Variants in PPFIBP2 observed in about 807,000 individuals in gnomAD.
The protein encoded by PPFIBP2 is PPFIB scaffold protein 2, also known as liprin-beta-2.
Under a neutral mutation model 118.3 loss-of-function variants are expected in PPFIBP2, and 118 were observed. The observed-to-expected ratio is 1.00, with a 90% CI of 0.86 to 1.16. The LOEUF (loss-of-function observed/expected upper bound fraction) is 1.16, where lower values mean the gene tolerates loss of function less well. PPFIBP2 is among the 50% of genes most tolerant of loss of function. The probability of loss-of-function intolerance (pLI) is 0.00; values close to 1 mark genes in which losing one functional copy is unlikely to be tolerated. For missense variants in PPFIBP2, 1,195 were observed against 1,073.1 expected (o/e 1.11, Z -1.59); for synonymous variants, 414 against 397.4 (o/e 1.04, Z -0.50).
chr11:7,564,472 A>C (rs1854719488), intron 2 of PPFIBP2, among the ~76,000 whole-genome samples: 1 of 152,254 alleles, frequency 6.6e-6, no homozygotes, highest in Admixed American at 6.5e-5. Context: ...TATAGGGGAT[A>C]TAAAGATCTT....
chr11:7,526,016 G>A (rs1050137218), intron 1 of PPFIBP2, among the ~76,000 whole-genome samples: 28 of 152,174 alleles, frequency 1.8e-4, no homozygotes, highest in African/African-American at 6.3e-4. Context: ...AACTAAAGAC[G>A]GAGCAGATTC....
intron 21 of PPFIBP2, among the ~76,000 whole-genome samples, chr11:7,650,479 C>G (rs1361079691): frequency 6.6e-6 from 1 of 152,204 alleles, no homozygotes; most frequent in Non-Finnish European, 1.5e-5. Context: ...GGAGATCTTT[C>G]ATCTATAAAC....
chr11:7,552,337 G>A (rs1277253544), intron 2 of PPFIBP2, among the ~76,000 whole-genome samples: 1 of 152,228 alleles, frequency 6.6e-6, no homozygotes, highest in Non-Finnish European at 1.5e-5. Flanking sequence ...ATAGATTAAT[G>A]AGGGACTAAA....
chr11:7,634,436 A>G (rs909171461), intron 12 of PPFIBP2, 59 bp from the exon 13 acceptor site: 8 of 1,332,086 alleles, frequency 6.0e-6, no homozygotes, highest in East Asian at 4.6e-5. Flanking sequence ...TGTCCTCTGC[A>G]TGAGTGATAA....
rs537897319 is a variant in PPFIBP2, at chr11:7,626,063, G to T, written c.826+172G>T. Among the ~76,000 whole-genome samples, 72 of 152,332 alleles carry T rather than the reference G, an allele frequency of 4.7e-4. 1 individual carries two copies. The highest frequency in any genetic ancestry group is 1.5e-3 in the African/African-American group (63 of 41,580). On this transcript the variant is annotated intron_variant, in intron 8 of 23. Coordinates refer to ENST00000299492, the MANE Select transcript of PPFIBP2 (RefSeq NM_003621.5). Reference sequence around the variant, plus strand: ...GCCAAGTGAATGGATGCACCAGTTTGTGTGTTTGTGTGTGTCCCTATAATG... The same window carrying T: ...GCCAAGTGAATGGATGCACCAGTTTTTGTGTTTGTGTGTGTCCCTATAATG...
At chr11:7,634,019 G>T (rs1299293635) in intron 12 of PPFIBP2, among the ~76,000 whole-genome samples, 2 of 152,128 alleles carry the variant, frequency 1.3e-5, no homozygotes, top group African/African-American at 4.8e-5. Context: ...CCAGAGCAGA[G>T]TGTGGCAGGG....
At chr11:7,631,151 ATAT>A in intron 11 of PPFIBP2, 123 bp downstream of exon 11, 5 of 742,082 alleles carry the variant, frequency 6.7e-6, no homozygotes, top group Non-Finnish European at 1.2e-5. Flanking sequence ...ACTTAAATTA[ATAT>A]AGTGCCCCTC....
chr11:7,625,681 C>G (rs1849901413), intron 7 of PPFIBP2, 96 bp from the exon 8 acceptor site: 5 of 933,980 alleles, frequency 5.4e-6, no homozygotes, highest in Middle Eastern at 2.8e-4. Flanking sequence ...CCTGATGCAC[C>G]CTGGTGCCTG....
In PPFIBP2 at chr11:7,598,689, T is replaced by C. The variant is rs189860926; in HGVS notation, c.486+1016T>C. On this transcript the variant is annotated intron_variant, in intron 5 of 23. Transcript: ENST00000299492. The stretch of plus-strand genomic sequence containing the variant: ...ACAAAAGTTTGTTCCTTAAAATGAG[T>C]GGATTCAATTAGAGGACTACTTATA... Among the ~76,000 whole-genome samples the C allele has an allele frequency of 1.8e-3, 272 of 152,248 alleles. 2 individuals carry two copies. The highest frequency in any genetic ancestry group is 2.7e-3 in the Non-Finnish European group (184 of 68,012).
Position 7,632,922 on chromosome 11 carries a change from C to T in PPFIBP2, c.1124C>T (p.Ser375Leu), listed in dbSNP as rs148124319. 2.2e-4 allele frequency: 360 copies of T among 1,613,610 alleles called. No individual in the cohort carries two copies. The highest frequency in any genetic ancestry group is 3.0e-4 in the Non-Finnish European group (355 of 1,179,692). The change falls in exon 12 of 24, where the codon TCA (serine) becomes TTA (leucine). Residue 375 changes from serine (S) to leucine (L), a missense_variant. By Grantham distance (145) the Ser-to-Leu change is moderately radical. Transcript: ENST00000299492. The stretch of plus-strand genomic sequence containing the variant: ...GGGCCACCTCCATTGCCACAGAAAT[C>T]ACTGGAAACCAGGTAAGAGGCCTGG... ...TVGPPPLPQKSLETRAQKKLS... is the reference protein window; with the variant it reads ...TVGPPPLPQKLLETRAQKKLS...
intron 6 of PPFIBP2, among the ~76,000 whole-genome samples, chr11:7,613,121 C>T (rs1848260117): frequency 6.6e-6 from 1 of 152,046 alleles, no homozygotes; most frequent in African/African-American, 2.4e-5. Flanking sequence ...TGTGAGATAG[C>T]CAGATCTGAA....
At chr11:7,595,313 A>G (rs1860090345) in intron 4 of PPFIBP2, among the ~76,000 whole-genome samples, 1 of 152,236 alleles carries the variant, frequency 6.6e-6, no homozygotes, top group African/African-American at 2.4e-5. Flanking sequence ...CTCTTATCCC[A>G]ATGACATGAT....
At chr11:7,559,135 C>G (rs1854002489) in intron 2 of PPFIBP2, among the ~76,000 whole-genome samples, 1 of 152,160 alleles carries the variant, frequency 6.6e-6, no homozygotes, top group South Asian at 2.1e-4. Flanking sequence ...TGCTTTGTTG[C>G]TCAAAATGAA....
At chr11:7,657,323 G>A (rs1450533704), downstream of PPFIBP2, among the ~76,000 whole-genome samples, 3 of 152,166 alleles carry the variant, frequency 2.0e-5, no homozygotes, top group Non-Finnish European at 4.4e-5. Flanking sequence ...AGGTGTTTAG[G>A]GTATGAGCGG....
intron 2 of PPFIBP2, among the ~76,000 whole-genome samples, chr11:7,555,896 C>T (rs1333957736): frequency 6.6e-6 from 1 of 152,166 alleles, no homozygotes; most frequent in East Asian, 1.9e-4. Context: ...GTGTGGGCCT[C>T]GTGTATTCTT....
chr11:7,553,818 C>T (rs913188292), intron 2 of PPFIBP2, among the ~76,000 whole-genome samples: 1 of 152,172 alleles, frequency 6.6e-6, no homozygotes, highest in African/African-American at 2.4e-5. Flanking sequence ...CCAGGGCCAT[C>T]TGAGTCTCTT....
intron 4 of PPFIBP2, among the ~76,000 whole-genome samples, chr11:7,596,332 C>T (rs1475160529): frequency 2.6e-5 from 4 of 151,950 alleles, no homozygotes; most frequent in African/African-American, 9.7e-5. Context: ...TAATAAACAC[C>T]CACCCACAAA....
downstream of PPFIBP2, among the ~76,000 whole-genome samples, chr11:7,659,090 G>C (rs1452401310): frequency 3.4e-5 from 5 of 147,650 alleles, no homozygotes; most frequent in African/African-American, 1.3e-4. Flanking sequence ...CCATTTTGTA[G>C]GTTGCCTGTT....
intron 6 of PPFIBP2, among the ~76,000 whole-genome samples, chr11:7,614,844 A>G (rs746430124): frequency 2.0e-5 from 3 of 152,224 alleles, no homozygotes; most frequent in Non-Finnish European, 2.9e-5. Context: ...AACCATAAAG[A>G]AGAACTTTAA....
Sources: gnomAD v4.1 joint callset for allele counts (sites outside exome capture counted in the v4.1 genomes callset) on GRCh38, gnomAD v4.1.1 for gene constraint, MANE v1.5 for transcripts, NCBI Gene and HGNC (gene_info 2026-07-23, HGNC 2026-07-21) for gene names.